SGCG: variants seen among roughly 807,000 people sequenced by gnomAD.
SGCG encodes the protein sarcoglycan gamma.
A neutral mutation model predicts 29.3 loss-of-function variants in SGCG; 26 were observed. The observed-to-expected ratio is 0.89, with a 90% confidence interval of 0.65 to 1.23. SGCG has a LOEUF of 1.23. SGCG is among the 50% of genes most tolerant of loss of function. The pLI is 0.00. For synonymous variants in SGCG, 145 were observed against 129.7 expected (o/e 1.12, Z -0.80); for missense variants, 353 against 356.0 (o/e 0.99, Z 0.07).
intron 1 of SGCG, among the ~76,000 whole-genome samples, chr13:23,194,723 C>G (rs1877417061): frequency 6.6e-6 from 1 of 152,176 alleles, no homozygotes; most frequent in South Asian, 2.1e-4. Flanking sequence ...GATTGGTCAG[C>G]ATGTACCACA....
At chr13:23,210,922 A>C (rs1298887942) in intron 2 of SGCG, among the ~76,000 whole-genome samples, 2 of 142,588 alleles carry the variant, frequency 1.4e-5, no homozygotes, top group African/African-American at 5.4e-5. Context: ...TCCTTGAACC[A>C]TGTCCGAAAA....
rs1440602412 is a variant in SGCG at position 23,324,592 on chromosome 13, C to A, written c.*51C>A. On this transcript the variant is annotated 3_prime_UTR_variant, in exon 8 of 8. Coordinates refer to ENST00000218867, the MANE Select transcript of SGCG (RefSeq NM_000231.3). ...GTGCAGTGCCGGCCCCAGATCCTCA[C>A]ACCCAGGGAGCAGCTGCACATCGTG... is the stretch of plus-strand genomic sequence containing the variant. 1.3e-6 allele frequency: 2 copies of A among 1,516,800 alleles called. No individual in the cohort carries two copies. Among genetic ancestry groups the A allele is most frequent in the South Asian group, 2.3e-5 (2 of 88,688 alleles). 94.0% of individuals were successfully genotyped at this position (1,516,800 alleles called of 1,614,324 possible).
At chr13:23,307,079 A>G (rs1882387640) in intron 6 of SGCG, among the ~76,000 whole-genome samples, 1 of 152,232 alleles carries the variant, frequency 6.6e-6, no homozygotes, top group Admixed American at 6.5e-5. Context: ...TTTTCTTAAC[A>G]AACAGAAGCT....
rs539967920 is a variant in SGCG, at chr13:23,258,251, G to T, written c.385+7534G>T. Among the ~76,000 whole-genome samples, 14 of 152,230 alleles carry T rather than the reference G, an allele frequency of 9.2e-5. No homozygotes were observed. The South Asian group carries it at 2.7e-3, about 29-fold the overall frequency. ...GCAGTGGTTTGTAGTTCTCCTTGAA[G>T]AGGTCCTTCACATCCCTTGTAAGTT... On this transcript the variant is annotated intron_variant, in intron 4 of 7. Transcript: ENST00000218867.
intron 1 of SGCG, among the ~76,000 whole-genome samples, chr13:23,196,646 T>G (rs1706909787): frequency 6.7e-6 from 1 of 150,044 alleles, no homozygotes; most frequent in Non-Finnish European, 1.5e-5. Context: ...TGGTTGAGAT[T>G]ATTTATATTT....
chr13:23,166,440 C>T, the SGCG span, among the ~76,000 whole-genome samples: 1,261 of 152,072 alleles, frequency 8.3e-3, 10 homozygotes, highest in African/African-American at 0.028. Flanking sequence ...GTGATCTGCC[C>T]GCCCCAGCCT....
the SGCG span, among the ~76,000 whole-genome samples, chr13:23,160,967 T>C: frequency 6.6e-6 from 1 of 152,210 alleles, no homozygotes; most frequent in Non-Finnish European, 1.5e-5. Flanking sequence ...TAACTTCCTG[T>C]GTGCGTGTGT....
At chr13:23,234,818 TG>T in intron 3 of SGCG, 106 bp downstream of exon 3, 1 of 780,272 alleles carries the variant, frequency 1.3e-6, no homozygotes, top group South Asian at 1.5e-5. Context: ...CGCATACATG[TG>T]CACATATTCA....
chr13:23,281,341 GTAATAATAATAA>G (rs57723057), intron 5 of SGCG, among the ~76,000 whole-genome samples: 23,651 of 146,044 alleles, frequency 0.16, 2,074 homozygotes, highest in Non-Finnish European at 0.2. Flanking sequence ...CCGTGTCTCA[GTAATAATAATAA>G]TAATAATAAT....
chr13:23,310,196 C>T (rs1882524372), intron 6 of SGCG, among the ~76,000 whole-genome samples: 2 of 150,048 alleles, frequency 1.3e-5, no homozygotes, highest in South Asian at 4.2e-4. Flanking sequence ...ACGCCATTCT[C>T]CTGCCTCAGC....
chr13:23,259,472 G>A (rs1346473838), intron 4 of SGCG, among the ~76,000 whole-genome samples: 1 of 151,612 alleles, frequency 6.6e-6, no homozygotes, highest in Non-Finnish European at 1.5e-5. Context: ...TATCAATTTT[G>A]TTGATCTTTT....
intron 3 of SGCG, chr13:23,244,028 C>A (rs538960035): frequency 2.0e-5 from 3 of 152,022 alleles, no homozygotes; most frequent in African/African-American, 7.2e-5. Context: ...GACTATTTTC[C>A]TTTTGAAACA....
At chr13:23,276,467 C>G (rs1486632121) in intron 4 of SGCG, among the ~76,000 whole-genome samples, 10 of 118,836 alleles carry the variant, frequency 8.4e-5, no homozygotes, top group Non-Finnish European at 1.7e-4. Flanking sequence ...GAGTCTCGCT[C>G]TGTTGCCCAA....
rs534570041 is a variant in SGCG, at chr13:23,313,496, C to T, written c.579-7141C>T. Among the ~76,000 whole-genome samples, 4 of 152,188 alleles carry T rather than the reference C, an allele frequency of 2.6e-5. No individual in the cohort carries two copies. The South Asian group carries it at 8.3e-4, about 32-fold the overall frequency. ...TTTTTTAAAAATGACATTAATATGA[C>T]ATGAGCAATAACTATTAAGGTCATA... On this transcript the variant is annotated intron_variant, in intron 6 of 7. Coordinates refer to ENST00000218867, the MANE Select transcript of SGCG (RefSeq NM_000231.3).
intron 3 of SGCG, among the ~76,000 whole-genome samples, chr13:23,250,068 A>G (rs957128318): frequency 7.9e-5 from 12 of 152,206 alleles, no homozygotes; most frequent in African/African-American, 2.9e-4. Flanking sequence ...TTTATTGTGT[A>G]TTTTCTAATG....
rs201788230 is a variant in SGCG at position 23,324,371 on chromosome 13, G to A, written c.706G>A (p.Val236Met). 9.9e-6 allele frequency: 16 copies of A among 1,614,028 alleles called. No homozygotes were observed. The highest frequency in any genetic ancestry group is 6.7e-5 in the African/African-American group (5 of 74,914). ...ILFHSSDGML[V>M]LDAETVCLPK... ...TCTCTCATCTTCTCCCAACCAGCTT[G>A]TGCTTGATGCTGAAACTGTGTGCTT... Residue 236 changes from valine to methionine, a missense_variant, in exon 8 of 8, where the codon GTG becomes ATG. Val to Met is a conservative substitution (Grantham distance 21). Coordinates refer to ENST00000218867, the MANE Select transcript of SGCG (RefSeq NM_000231.3).
At chr13:23,277,132 G>GA (rs1347719351) in intron 4 of SGCG, among the ~76,000 whole-genome samples, 2 of 151,934 alleles carry the variant, frequency 1.3e-5, no homozygotes, top group African/African-American at 4.8e-5. Flanking sequence ...AATAACTATA[G>GA]AAAAAAAATT....
chr13:23,169,654 A>G, the SGCG span, among the ~76,000 whole-genome samples: 2 of 150,374 alleles, frequency 1.3e-5, no homozygotes, highest in Non-Finnish European at 3.0e-5. Flanking sequence ...ACTCCAGCCC[A>G]GCAACAGAGA....
chr13:23,164,161 A>G, the SGCG span, among the ~76,000 whole-genome samples: 1 of 152,172 alleles, frequency 6.6e-6, no homozygotes, highest in Non-Finnish European at 1.5e-5. Context: ...TTAATCCAAA[A>G]TTACTTGCCA....
Sources: gnomAD v4.1 joint callset for allele counts (sites outside exome capture counted in the v4.1 genomes callset) on GRCh38, gnomAD v4.1.1 for gene constraint, MANE v1.5 for transcripts, NCBI Gene and HGNC (gene_info 2026-07-23, HGNC 2026-07-21) for gene names.